The following GALK2 variants were observed in gnomAD, a reference collection of about 807,000 sequenced individuals.
The protein encoded by GALK2 is galactokinase 2, also known as N-acetylgalactosamine kinase.
A neutral mutation model predicts 52.4 loss-of-function variants in GALK2; 36 were observed. The ratio of observed to expected loss-of-function variants is 0.69; its 90% confidence interval spans 0.53 to 0.91. The LOEUF (loss-of-function observed/expected upper bound fraction) is 0.91, where lower values mean the gene tolerates loss of function less well. Among genes scored for constraint, GALK2 ranks in the 40% least tolerant of loss-of-function variants. GALK2 has a pLI of 0.00. For synonymous variants in GALK2, 176 were observed against 199.1 expected (o/e 0.88, Z 0.98); for missense variants, 579 against 559.1 (o/e 1.04, Z -0.36).
chr15:49,215,324 C>T (rs974117950), intron 2 of GALK2, among the ~76,000 whole-genome samples: 9 of 152,202 alleles, frequency 5.9e-5, no homozygotes, highest in African/African-American at 2.2e-4. Flanking sequence ...CTACCCTGAT[C>T]TCTCTATCTC....
chr15:49,332,420 A>G (rs566835260), downstream of GALK2, among the ~76,000 whole-genome samples: 77 of 152,352 alleles, frequency 5.1e-4, 1 homozygote, highest in African/African-American at 1.8e-3. Flanking sequence ...GCTCATTGTG[A>G]GCAGGGATCC....
chr15:49,314,884 T>A (rs77285041), intron 8 of GALK2, among the ~76,000 whole-genome samples: 4,723 of 152,312 alleles, frequency 0.031, 145 homozygotes, highest in African/African-American at 0.071. Flanking sequence ...CATGTGAAGA[T>A]CTTGGGGAAG....
At chr15:49,185,192 A>G (rs753832479) in intron 1 of GALK2, among the ~76,000 whole-genome samples, 2 of 152,144 alleles carry the variant, frequency 1.3e-5, no homozygotes, top group African/African-American at 2.4e-5. Context: ...ATGTGTGCTC[A>G]ATGTTTAGCT....
intron 1 of GALK2, among the ~76,000 whole-genome samples, chr15:49,160,256 C>G (rs1157262186): frequency 1.3e-5 from 2 of 151,622 alleles, no homozygotes; most frequent in African/African-American, 4.9e-5. Context: ...GCCTGGGCGA[C>G]AGAGTGAGAG....
chr15:49,193,872 C>A, intron 1 of GALK2: 1 of 152,084 alleles, frequency 6.6e-6, no homozygotes. Flanking sequence ...GGATTACAGG[C>A]ACGTGCCAAC....
chr15:49,272,759 A>G (rs943755978), intron 5 of GALK2, among the ~76,000 whole-genome samples: 2 of 152,154 alleles, frequency 1.3e-5, no homozygotes, highest in Non-Finnish European at 2.9e-5. Flanking sequence ...TGAGGTCTAG[A>G]AGAAACCTAT....
At chr15:49,241,525 G>A (rs1243983243) in intron 5 of GALK2, among the ~76,000 whole-genome samples, 1 of 152,194 alleles carries the variant, frequency 6.6e-6, no homozygotes, top group African/African-American at 2.4e-5. Flanking sequence ...GTTACCACAA[G>A]TTCTGAGAAG....
At chr15:49,355,534 T>C (rs1189745563) in intron 3 of GALK2, among the ~76,000 whole-genome samples, 6 of 151,884 alleles carry the variant, frequency 4.0e-5, no homozygotes, top group Non-Finnish European at 8.8e-5. Flanking sequence ...AAGGGAAGTT[T>C]AGAGAAAAAA....
chr15:49,272,257 T>A (rs1273330048), intron 5 of GALK2, among the ~76,000 whole-genome samples: 2 of 152,228 alleles, frequency 1.3e-5, no homozygotes, highest in African/African-American at 4.8e-5. Flanking sequence ...GGTTGTTTTG[T>A]AAATTAAATA....
intron 3 of GALK2, among the ~76,000 whole-genome samples, chr15:49,361,894 C>T (rs1031949002): frequency 6.6e-6 from 1 of 152,130 alleles, no homozygotes; most frequent in Non-Finnish European, 1.5e-5. Context: ...TCTCTGCAAC[C>T]TCTCCAGAAT....
intron 3 of GALK2, chr15:49,223,047 T>A (rs1051400114): frequency 8.5e-5 from 13 of 152,242 alleles, no homozygotes; most frequent in African/African-American, 3.1e-4. Flanking sequence ...TTCATTTTAC[T>A]GTTTCAATCT....
intron 1 of GALK2, chr15:49,194,324 C>CA (rs201571630): frequency 0.063 from 9,013 of 143,618 alleles, 527 homozygotes; most frequent in African/African-American, 0.15. Flanking sequence ...GACTACGTCT[C>CA]AAAAAAAAAA....
intron 2 of GALK2, among the ~76,000 whole-genome samples, chr15:49,212,584 T>C (rs481466): frequency 1.3e-5 from 2 of 151,866 alleles, no homozygotes; most frequent in Non-Finnish European, 2.9e-5. Flanking sequence ...TTGTTAAGAT[T>C]CATCTTTAGG....
chr15:49,270,285 A>C (rs906264129), intron 5 of GALK2, among the ~76,000 whole-genome samples: 4 of 152,228 alleles, frequency 2.6e-5, no homozygotes, highest in African/African-American at 9.6e-5. Flanking sequence ...TTACTTACTA[A>C]GATTCCTGGA....
chr15:49,366,459 A>T, intron 3 of GALK2: 1 of 995,996 alleles, frequency 1.0e-6, no homozygotes, highest in Non-Finnish European at 1.6e-6. Context: ...GGAACATCAG[A>T]AAGGTTGCAT....
chr15:49,211,183 A>G (rs894278742), intron 2 of GALK2, among the ~76,000 whole-genome samples: 14 of 152,132 alleles, frequency 9.2e-5, no homozygotes, highest in African/African-American at 3.4e-4. Flanking sequence ...AATTTTTTTC[A>G]CCAGATATCA....
chr15:49,173,229 C>A (rs913394873), intron 1 of GALK2, among the ~76,000 whole-genome samples: 3 of 152,196 alleles, frequency 2.0e-5, no homozygotes, highest in African/African-American at 7.2e-5. Context: ...ATCAGTACAT[C>A]ATTTAACATG....
intron 1 of GALK2, among the ~76,000 whole-genome samples, chr15:49,198,101 T>G (rs926620961): frequency 2.8e-4 from 43 of 152,156 alleles, no homozygotes; most frequent in African/African-American, 1.0e-3. Context: ...CCCAGTGCAC[T>G]AACATTACTA....
rs1454924112 is a variant in GALK2 at position 49,235,858 on chromosome 15, A to G, written c.274A>G (p.Ser92Gly). 17 of 1,610,060 alleles carry G rather than the reference A, an allele frequency of 1.1e-5. No individual in the cohort carries two copies. The highest frequency in any genetic ancestry group is 1.2e-5 in the Non-Finnish European group (14 of 1,176,702). ...ANTNPLYPDFSTSANNIQIDK... is the reference protein window; with the variant it reads ...ANTNPLYPDFGTSANNIQIDK... The stretch of plus-strand genomic sequence containing the variant: ...TGTCTTTTGTCTTCGCAGGGACTTC[A>G]GTACTAGTGCTAATAACATCCAGAT... Residue 92 changes from serine to glycine, a missense_variant, in exon 4 of 10, where the codon AGT becomes GGT. Coordinates refer to ENST00000560031, the MANE Select transcript of GALK2 (RefSeq NM_002044.4).
Sources: allele counts gnomAD v4.1 joint callset (sites outside exome capture counted in the v4.1 genomes callset), GRCh38; gene constraint gnomAD v4.1.1; transcripts MANE v1.5; gene names NCBI Gene and HGNC (gene_info 2026-07-23, HGNC 2026-07-21).